Variants in FCRL2 observed in about 807,000 individuals in gnomAD.
FCRL2 encodes Fc receptor-like protein 2.
FCRL2 carries 48 observed loss-of-function variants against 59.8 expected under a neutral mutation model. The observed-to-expected ratio is 0.80, with a 90% CI of 0.64 to 1.02. The LOEUF is 1.02. Ranked by LOEUF, FCRL2 falls within the 50% of genes least tolerant of loss-of-function variation. The probability of loss-of-function intolerance (pLI) is 0.00; values close to 1 mark genes in which losing one functional copy is unlikely to be tolerated. For missense variants in FCRL2, 658 were observed against 597.3 expected (o/e 1.10, Z -1.06); for synonymous variants, 251 against 229.5 (o/e 1.09, Z -0.85).
chr1:157,760,682 A>G (rs11264814), intron 7 of FCRL2, among the ~76,000 whole-genome samples: 3,285 of 119,130 alleles, frequency 0.028, 85 homozygotes, highest in African/African-American at 0.086. Context: ...AAGGAAGGAA[A>G]GAAAGAAAGA....
chr1:157,774,497 A>G (rs1375120146), intron 2 of FCRL2: 12 of 455,096 alleles, frequency 2.6e-5, no homozygotes, highest in Middle Eastern at 3.4e-4. Context: ...AGAACATCTC[A>G]GTTTTCTGAG....
chr1:157,772,559 T>A (rs997069547), intron 2 of FCRL2, among the ~76,000 whole-genome samples: 2 of 151,882 alleles, frequency 1.3e-5, no homozygotes, highest in African/African-American at 4.8e-5. Flanking sequence ...CCAGAGAGAG[T>A]CATCGTCACC....
intron 7 of FCRL2, among the ~76,000 whole-genome samples, chr1:157,757,079 G>T (rs112485489): frequency 4.6e-5 from 7 of 152,292 alleles, no homozygotes; most frequent in African/African-American, 1.7e-4. Flanking sequence ...TCTGTCATTT[G>T]TCAGCAAAGA....
Position 157,767,192 on chromosome 1 carries a change from A to T in FCRL2, c.1162+39T>A, listed in dbSNP as rs767237574. ...ATCTCCAGGCTGGTGAGACACAGCC[A>T]TTGACATCAAACTCTGTATCCAGGT... On this transcript the variant is annotated intron_variant, in intron 6 of 11. Coordinates refer to ENST00000361516, the MANE Select transcript of FCRL2 (RefSeq NM_030764.4). 2.5e-6 allele frequency: 4 copies of T among 1,579,974 alleles called. No individual in the cohort carries two copies. In the South Asian group the frequency reaches 4.7e-5, roughly 19 times the overall value.
intron 2 of FCRL2, among the ~76,000 whole-genome samples, chr1:157,775,450 A>G (rs951067182): frequency 1.3e-5 from 2 of 152,244 alleles, no homozygotes; most frequent in Non-Finnish European, 2.9e-5. Flanking sequence ...CAGACAATAA[A>G]GAGGCATTAC....
chr1:157,756,462 C>G (rs147519635), intron 7 of FCRL2, among the ~76,000 whole-genome samples: 1 of 152,046 alleles, frequency 6.6e-6, no homozygotes, highest in South Asian at 2.1e-4. Context: ...GTAAGAAGAT[C>G]GCTTGAGCCC....
Position 157,766,871 on chromosome 1 carries a change from C to T in FCRL2, c.1263G>A (p.Leu421=). The change falls in exon 7 of 12, where the codon TTG becomes TTA. Residue 421 remains leucine (L), a synonymous_variant. Coordinates refer to ENST00000361516, the MANE Select transcript of FCRL2 (RefSeq NM_030764.4). ...FTGVALLLYA[L]FHKISGESSA... is the part of the protein sequence containing the mutation. ...AGATACAACCTGATATCTTGTGGAACAAGGCATACAACAGCAAAGCAACAC... is the reference window on the plus strand; with the variant it reads ...AGATACAACCTGATATCTTGTGGAATAAGGCATACAACAGCAAAGCAACAC... 1.2e-6 allele frequency: 2 copies of T among 1,614,090 alleles called. No individual in the cohort carries two copies. Among genetic ancestry groups the T allele is most frequent in the Non-Finnish European group, 1.7e-6 (2 of 1,180,004 alleles).
chr1:157,768,508 TG>T lies in FCRL2; in HGVS notation c.788del (p.Pro263GlnfsTer3). On this transcript the variant is annotated frameshift_variant, in exon 5 of 12. Coordinates refer to ENST00000361516, the MANE Select transcript of FCRL2 (RefSeq NM_030764.4). LOFTEE classifies it high-confidence loss of function. ...QRSLSAELEI[P>X]AVKESDAGKY... is the part of the protein sequence containing the mutation. Reference sequence around the variant, plus strand: ...TGCCGGCATCACTCTCTTTCACAGCTGGGATCTCCAGCTCTGCTGACAGGGA... The same window carrying T: ...TGCCGGCATCACTCTCTTTCACAGCTGGATCTCCAGCTCTGCTGACAGGGA... 6.2e-7 allele frequency: 1 copy of T among 1,614,220 alleles called. No homozygotes were observed. The highest frequency in any genetic ancestry group is 1.1e-5 in the South Asian group (1 of 91,082).
intron 1 of FCRL2, 39 bp downstream of exon 1, chr1:157,777,004 A>C (rs759418374): frequency 1.0e-5 from 16 of 1,587,346 alleles, no homozygotes; most frequent in Non-Finnish European, 1.3e-5. Context: ...GACCTCATTC[A>C]GCTGCCACCT....
At chr1:157,753,179 T>C (rs527592776) in intron 7 of FCRL2, among the ~76,000 whole-genome samples, 2 of 152,308 alleles carry the variant, frequency 1.3e-5, no homozygotes, top group South Asian at 2.1e-4. Flanking sequence ...TTCTTCCCCA[T>C]ACCAGTCAAT....
Position 157,746,442 on chromosome 1 carries a change from T to C in FCRL2, c.*294A>G. The C allele has an allele frequency of 4.1e-6, 2 of 482,258 alleles. No individual in the cohort carries two copies. Among genetic ancestry groups the C allele is most frequent in the Middle Eastern group, 5.7e-4 (1 of 1,752 alleles). 29.9% of individuals were successfully genotyped at this position (482,258 alleles called of 1,614,324 possible). A position where few individuals can be genotyped will look rare whatever the true frequency, so the allele number is the denominator to read the frequency against. Reference sequence around the variant, plus strand: ...CACAGTAGATGAAGGTGAGACCTTGTATCTCTTATTCATTCTTCCCTCAAA... The same window carrying C: ...CACAGTAGATGAAGGTGAGACCTTGCATCTCTTATTCATTCTTCCCTCAAA... On this transcript the variant is annotated 3_prime_UTR_variant, in exon 12 of 12. Transcript: ENST00000361516.
At chr1:157,748,786 G>T (rs1280404528) in intron 9 of FCRL2, 89 bp downstream of exon 9, 2 of 1,312,400 alleles carry the variant, frequency 1.5e-6, no homozygotes, top group African/African-American at 1.5e-5. Context: ...GTGTTGGGGT[G>T]TCTACACCAC....
chr1:157,763,551 A>T (rs1212929030), intron 7 of FCRL2, among the ~76,000 whole-genome samples: 1 of 152,030 alleles, frequency 6.6e-6, no homozygotes, highest in Non-Finnish European at 1.5e-5. Context: ...CAAAGAAAAG[A>T]TATATTTATA....
chr1:157,748,578 C>G lies in FCRL2; in HGVS notation c.1434G>C (p.Trp478Cys), dbSNP rs908348404. The G allele has an allele frequency of 2.5e-6, 4 of 1,613,916 alleles. No homozygotes were observed. The highest frequency in any genetic ancestry group is 3.4e-6 in the Non-Finnish European group (4 of 1,179,832). ...VDVDVVYSQV[W>C]SMQQPESSAN... ...CTGAGCTTTCTGGCTGCTGCATGCT[C>G]CAGACCTGAGAATAAACCACATCCA... is the stretch of plus-strand genomic sequence containing the variant. The change falls in exon 10 of 12, where the codon TGG (tryptophan) becomes TGC (cysteine). Residue 478 changes from tryptophan (W) to cysteine (C), a missense_variant. Coordinates refer to ENST00000361516, the MANE Select transcript of FCRL2 (RefSeq NM_030764.4).
chr1:157,746,687 A>T lies in FCRL2; in HGVS notation c.*49T>A. On this transcript the variant is annotated 3_prime_UTR_variant, in exon 12 of 12. Coordinates refer to ENST00000361516, the MANE Select transcript of FCRL2 (RefSeq NM_030764.4). ...TCATAAGGTTTTATAGCAAGTCTTA[A>T]TGATGCCCCATCCTTGCTGTTGATC... is the stretch of plus-strand genomic sequence containing the variant. The T allele has an allele frequency of 6.3e-7, 1 of 1,578,192 alleles. No homozygotes were observed. Among genetic ancestry groups the T allele is most frequent in the East Asian group, 2.2e-5 (1 of 44,664 alleles).
chr1:157,750,441 G>A (rs1206546451), intron 7 of FCRL2, among the ~76,000 whole-genome samples: 2 of 152,176 alleles, frequency 1.3e-5, no homozygotes, highest in Non-Finnish European at 2.9e-5. Flanking sequence ...TACTACAAGA[G>A]ACATGCTAAA....
At chr1:157,750,096 G>A (rs1648070675) in intron 7 of FCRL2, among the ~76,000 whole-genome samples, 1 of 152,104 alleles carries the variant, frequency 6.6e-6, no homozygotes, top group Non-Finnish European at 1.5e-5. Context: ...TTAAATGTTT[G>A]ATATTTGCAA....
chr1:157,774,399 G>T (rs1318144132), intron 2 of FCRL2: 1 of 455,576 alleles, frequency 2.2e-6, no homozygotes, highest in African/African-American at 2.0e-5. Flanking sequence ...GGTCTTTCTG[G>T]CTATATAAGT....
chr1:157,749,798 TTGTATTTCA>T (rs1648043981), intron 7 of FCRL2, 121 bp from the exon 8 acceptor site: 1 of 599,964 alleles, frequency 1.7e-6, no homozygotes, highest in African/African-American at 1.8e-5. Flanking sequence ...AGTAATCCAA[TTGTATTTCA>T]TCTAAATGGC....
Sources: gnomAD v4.1 joint callset for allele counts (sites outside exome capture counted in the v4.1 genomes callset) on GRCh38, gnomAD v4.1.1 for gene constraint, MANE v1.5 for transcripts, NCBI Gene and HGNC (gene_info 2026-07-23, HGNC 2026-07-21) for gene names.